Variants in RAPGEF5 observed in about 807,000 individuals in gnomAD.
RAPGEF5 encodes M-Ras-regulated GEF.
RAPGEF5 carries 65 observed loss-of-function variants against 125.2 expected under a neutral mutation model. The observed-to-expected ratio is 0.52, with a 90% CI of 0.43 to 0.64. RAPGEF5 has a LOEUF of 0.64. RAPGEF5 is among the 30% of genes least tolerant of loss of function. The pLI, the probability that RAPGEF5 is intolerant of heterozygous loss-of-function variation, is 0.00. For synonymous variants in RAPGEF5, 391 were observed against 385.9 expected (o/e 1.01, Z -0.16); for missense variants, 958 against 1,048.1 (o/e 0.91, Z 1.19).
intron 17 of RAPGEF5, among the ~76,000 whole-genome samples, chr7:22,154,117 C>T (rs1187020650): frequency 1.3e-5 from 2 of 151,422 alleles, no homozygotes; most frequent in East Asian, 1.9e-4. Context: ...TTTTTTTTTC[C>T]ACCCCAAAGT....
intron 17 of RAPGEF5, among the ~76,000 whole-genome samples, chr7:22,153,886 A>G (rs1562722464): frequency 1.3e-5 from 2 of 152,226 alleles, no homozygotes; most frequent in African/African-American, 4.8e-5. Flanking sequence ...GTCAGCTTGT[A>G]ATCTGTGTGA....
At chr7:22,210,130 A>C (rs901805065) in intron 9 of RAPGEF5, among the ~76,000 whole-genome samples, 28 of 152,184 alleles carry the variant, frequency 1.8e-4, no homozygotes, top group African/African-American at 6.5e-4. Flanking sequence ...TCTAATGCCT[A>C]TGACTCTCAG....
intron 9 of RAPGEF5, among the ~76,000 whole-genome samples, chr7:22,197,017 T>C (rs1010667132): frequency 5.9e-5 from 9 of 152,126 alleles, no homozygotes; most frequent in African/African-American, 1.9e-4. Context: ...ATTCGAGTCA[T>C]GGGGGAACCT....
At chr7:22,160,371 C>T (rs993919893) in intron 14 of RAPGEF5, 147 bp downstream of exon 14, 7 of 685,208 alleles carry the variant, frequency 1.0e-5, no homozygotes, top group Non-Finnish European at 1.6e-5. Flanking sequence ...ACAAAACATA[C>T]AATTTACTAC....
chr7:22,253,710 T>C (rs909443854), intron 7 of RAPGEF5, among the ~76,000 whole-genome samples: 2 of 152,108 alleles, frequency 1.3e-5, no homozygotes, highest in Admixed American at 6.6e-5. Flanking sequence ...ACACATATTA[T>C]CAGAAAGGTA....
intron 5 of RAPGEF5, among the ~76,000 whole-genome samples, chr7:22,295,345 T>G (rs1304525370): frequency 6.6e-6 from 1 of 152,212 alleles, no homozygotes; most frequent in African/African-American, 2.4e-5. Context: ...CCAGAGTGTA[T>G]AGTTATATAT....
At chr7:22,261,489 G>A (rs1358212986) in intron 7 of RAPGEF5, among the ~76,000 whole-genome samples, 1 of 152,098 alleles carries the variant, frequency 6.6e-6, no homozygotes, top group African/African-American at 2.4e-5. Context: ...ATGCCTGCAT[G>A]TAGCCCCAGC....
At chr7:22,273,938 G>C (rs1782499675) in intron 6 of RAPGEF5, among the ~76,000 whole-genome samples, 1 of 152,178 alleles carries the variant, frequency 6.6e-6, no homozygotes, top group Non-Finnish European at 1.5e-5. Flanking sequence ...AGAATGACCA[G>C]GAGATAGTCA....
chr7:22,132,328 G>C (rs760040526), intron 23 of RAPGEF5, among the ~76,000 whole-genome samples: 35 of 151,578 alleles, frequency 2.3e-4, no homozygotes, highest in Non-Finnish European at 3.5e-4. Flanking sequence ...GTTATACACA[G>C]CTTCCAATGT....
Position 22,121,406 on chromosome 7 carries a change from C to G in RAPGEF5, c.*1000G>C, listed in dbSNP as rs372444465. On this transcript the variant is annotated 3_prime_UTR_variant, in exon 26 of 26. Coordinates refer to ENST00000665637, the MANE Select transcript of RAPGEF5 (RefSeq NM_012294.5). ...TACCTAGAGAGTGCTAAGTGCTTCA[C>G]TCATTAAATGTCACTTAACCTCCCT... The G allele has an allele frequency of 6.6e-6, 1 of 152,146 alleles. No individual in the cohort carries two copies. The highest frequency in any genetic ancestry group is 2.4e-5 in the African/African-American group (1 of 41,428). 9.4% of individuals were successfully genotyped at this position (152,146 alleles called of 1,614,324 possible). A position where few individuals can be genotyped will look rare whatever the true frequency, so the allele number is the denominator to read the frequency against.
chr7:22,292,942 CTG>C (rs35708836), intron 5 of RAPGEF5, among the ~76,000 whole-genome samples: 12,720 of 152,294 alleles, frequency 0.084, 746 homozygotes, highest in East Asian at 0.32. Flanking sequence ...GTATACGAGA[CTG>C]GTAACTAACG....
chr7:22,153,396 A>C (rs995021245), intron 17 of RAPGEF5, among the ~76,000 whole-genome samples: 2 of 152,170 alleles, frequency 1.3e-5, no homozygotes, highest in African/African-American at 4.8e-5. Context: ...CATTTAGGCC[A>C]TATGTTTCTC....
At chr7:22,296,730 G>A (rs1783071053) in intron 5 of RAPGEF5, among the ~76,000 whole-genome samples, 1 of 152,174 alleles carries the variant, frequency 6.6e-6, no homozygotes, top group Non-Finnish European at 1.5e-5. Flanking sequence ...TCCAGGGTCA[G>A]CAAGGCCCCA....
intron 3 of RAPGEF5, among the ~76,000 whole-genome samples, chr7:22,313,911 G>A (rs1365540021): frequency 6.6e-6 from 1 of 152,120 alleles, no homozygotes; most frequent in East Asian, 1.9e-4. Context: ...CTTGGTCTGG[G>A]CTCTAACCTC....
intron 6 of RAPGEF5, among the ~76,000 whole-genome samples, chr7:22,288,499 T>A (rs1562509918): frequency 6.6e-6 from 1 of 150,916 alleles, no homozygotes; most frequent in Non-Finnish European, 1.5e-5. Flanking sequence ...TCATACTGAT[T>A]TTTTAAAAAT....
At chr7:22,240,758 A>T (rs542004186) in intron 7 of RAPGEF5, among the ~76,000 whole-genome samples, 1 of 152,326 alleles carries the variant, frequency 6.6e-6, no homozygotes, top group Admixed American at 6.5e-5. Flanking sequence ...ACACAGTAAA[A>T]TATTGAGCAG....
intron 6 of RAPGEF5, among the ~76,000 whole-genome samples, chr7:22,274,775 T>C (rs971087803): frequency 1.3e-5 from 2 of 152,208 alleles, no homozygotes; most frequent in Non-Finnish European, 2.9e-5. Flanking sequence ...CCTCTGTCTC[T>C]AATTTTTCTC....
intron 1 of RAPGEF5, among the ~76,000 whole-genome samples, chr7:22,344,228 AC>A (rs576773102): frequency 4.7e-4 from 71 of 152,254 alleles, no homozygotes; most frequent in African/African-American, 1.7e-3. Context: ...GTTTCTTCTC[AC>A]CATGGCTACA....
intron 6 of RAPGEF5, among the ~76,000 whole-genome samples, chr7:22,277,830 C>G (rs1782592823): frequency 6.6e-6 from 1 of 152,180 alleles, no homozygotes; most frequent in Non-Finnish European, 1.5e-5. Flanking sequence ...AGCAAGTTCT[C>G]TCCTTTATTT....
Sources: allele counts gnomAD v4.1 joint callset (sites outside exome capture counted in the v4.1 genomes callset), GRCh38; gene constraint gnomAD v4.1.1; transcripts MANE v1.5; gene names NCBI Gene and HGNC (gene_info 2026-07-23, HGNC 2026-07-21).